Variants in EXT1 observed in about 807,000 individuals in gnomAD.
The protein encoded by EXT1 is exostosin-1.
In EXT1, 20 loss-of-function variants were observed where a neutral mutation model predicts 82.5. That is an observed-to-expected ratio of 0.24 (90% confidence interval 0.17 to 0.35). The LOEUF is 0.35. Among genes scored for constraint, EXT1 ranks in the 10% least tolerant of loss-of-function variants. The pLI is 1.00. For missense variants in EXT1, 757 were observed against 936.5 expected (o/e 0.81, Z 2.50); for synonymous variants, 348 against 350.8 (o/e 0.99, Z 0.09).
chr8:118,053,654 G>A (rs139883786), intron 1 of EXT1, among the ~76,000 whole-genome samples: 33 of 152,238 alleles, frequency 2.2e-4, no homozygotes, highest in African/African-American at 6.7e-4. Context: ...GCAAATAATC[G>A]GTGGCCTCAG....
At chr8:117,888,545 G>A (rs1219962601) in intron 1 of EXT1, among the ~76,000 whole-genome samples, 1 of 152,132 alleles carries the variant, frequency 6.6e-6, no homozygotes, top group African/African-American at 2.4e-5. Flanking sequence ...TTAGTTAAGT[G>A]TTCTATAAAT....
chr8:117,861,027 C>T (rs955476662), intron 1 of EXT1, among the ~76,000 whole-genome samples: 18 of 152,190 alleles, frequency 1.2e-4, no homozygotes, highest in African/African-American at 4.1e-4. Flanking sequence ...TATCCAAACT[C>T]GACACAGGAC....
intron 1 of EXT1, among the ~76,000 whole-genome samples, chr8:117,991,752 G>C (rs1802831055): frequency 6.6e-6 from 1 of 152,036 alleles, no homozygotes; most frequent in Non-Finnish European, 1.5e-5. Flanking sequence ...AGTGGACACA[G>C]CGTTTCACCA....
chr8:118,110,262 T>A lies in EXT1; in HGVS notation c.785A>T (p.Tyr262Phe), dbSNP rs1817871036. Residue 262 changes from tyrosine (Y) to phenylalanine (F), a missense_variant, in exon 1 of 11, where the codon TAC becomes TTC. Physicochemically the swap from Tyr to Phe is conservative, Grantham distance 22. Transcript: ENST00000378204. Reference protein sequence around the residue: ...KFNTIPPLRKYMLVFKGKRYL... With the variant: ...KFNTIPPLRKFMLVFKGKRYL... ...CCTCTTCCCCTTGAATACCAGCATG[T>A]ACTTCCTGAGAGGAGGGATGGTGTT... 1 of 1,614,048 alleles carries A rather than the reference T, an allele frequency of 6.2e-7. No individual in the cohort carries two copies. Among genetic ancestry groups the A allele is most frequent in the African/African-American group, 1.3e-5 (1 of 74,922 alleles).
chr8:117,867,648 AGACTGT>A (rs768067696), intron 1 of EXT1, among the ~76,000 whole-genome samples: 10 of 151,960 alleles, frequency 6.6e-5, no homozygotes, highest in Non-Finnish European at 1.3e-4. Context: ...ATCTACAAAG[AGACTGT>A]GACTCCTTCA....
chr8:118,096,653 A>AG (rs1817620456), intron 1 of EXT1, among the ~76,000 whole-genome samples: 1 of 104,594 alleles, frequency 9.6e-6, no homozygotes, highest in South Asian at 5.1e-4. Context: ...GAAGGAAGGA[A>AG]GGAAGGAAGG....
chr8:117,821,247 T>C (rs1030114222), intron 5 of EXT1, among the ~76,000 whole-genome samples: 2 of 152,178 alleles, frequency 1.3e-5, no homozygotes, highest in African/African-American at 4.8e-5. Context: ...TAATTGTATG[T>C]TAGAAAGAAG....
At chr8:117,829,182 T>C (rs1326244566) in intron 4 of EXT1, among the ~76,000 whole-genome samples, 2 of 152,140 alleles carry the variant, frequency 1.3e-5, no homozygotes, top group East Asian at 1.9e-4. Context: ...GCGTGTGCAG[T>C]TTCCTGAATC....
At position 117,795,947 on chromosome 8, in the gene EXT1, A is replaced by G. The variant is rs535973226; in HGVS notation, c.*3765T>C. On this transcript the variant is annotated 3_prime_UTR_variant, in exon 11 of 11. Coordinates refer to ENST00000378204, the MANE Select transcript of EXT1 (RefSeq NM_000127.3). ...TCAAAACAACTTTGTCCCTGTAAGC[A>G]TGCCTGAGAAAATGAGGCTGATAGT... is the stretch of plus-strand genomic sequence containing the variant. 6.6e-6 allele frequency: 1 copy of G among 151,310 alleles called. No homozygotes were observed. The highest frequency in any genetic ancestry group is 2.4e-5 in the African/African-American group (1 of 41,436). 9.4% of individuals were successfully genotyped at this position (151,310 alleles called of 1,614,324 possible). A position where few individuals can be genotyped will look rare whatever the true frequency, so the allele number is the denominator to read the frequency against.
chr8:117,875,049 A>G (rs902074255), intron 1 of EXT1, among the ~76,000 whole-genome samples: 1 of 152,220 alleles, frequency 6.6e-6, no homozygotes, highest in Non-Finnish European at 1.5e-5. Flanking sequence ...AACAGTGGCA[A>G]TAGAAATATT....
rs1487726776 is a variant in EXT1 at position 117,879,892 on chromosome 8, G to A, written c.963-42691C>T. ...TCAAAATCCATACACCATATAAGGT[G>A]TGCTTTGGATGAGTCTTTCAACTTT... On this transcript the variant is annotated intron_variant, in intron 1 of 10. Coordinates refer to ENST00000378204, the MANE Select transcript of EXT1 (RefSeq NM_000127.3). Among the ~76,000 whole-genome samples, 3 of 152,300 alleles carry A rather than the reference G, an allele frequency of 2.0e-5. No individual in the cohort carries two copies. The East Asian group carries it at 5.8e-4, about 29-fold the overall frequency.
At chr8:117,867,226 T>A (rs1334101191) in intron 1 of EXT1, among the ~76,000 whole-genome samples, 1 of 130,634 alleles carries the variant, frequency 7.7e-6, no homozygotes, top group Non-Finnish European at 1.6e-5. Flanking sequence ...ACCACTGTAC[T>A]CCAGCCTGGG....
At chr8:117,947,529 T>G (rs1340530931) in intron 1 of EXT1, among the ~76,000 whole-genome samples, 1 of 152,170 alleles carries the variant, frequency 6.6e-6, no homozygotes, top group Admixed American at 6.5e-5. Flanking sequence ...GATGACACTT[T>G]CACCACAATC....
chr8:118,107,744 C>T (rs918072912), intron 1 of EXT1, among the ~76,000 whole-genome samples: 1 of 152,122 alleles, frequency 6.6e-6, no homozygotes, highest in Non-Finnish European at 1.5e-5. Flanking sequence ...TTGTAAGCAC[C>T]ATTTCTCAAA....
At chr8:118,016,283 C>T (rs1333806032) in intron 1 of EXT1, among the ~76,000 whole-genome samples, 3 of 152,140 alleles carry the variant, frequency 2.0e-5, no homozygotes, top group Non-Finnish European at 4.4e-5. Context: ...ATCCCAGCTA[C>T]TTGGGTGGGA....
chr8:118,081,941 G>C (rs1817340191), intron 1 of EXT1, among the ~76,000 whole-genome samples: 1 of 152,160 alleles, frequency 6.6e-6, no homozygotes, highest in Non-Finnish European at 1.5e-5. Flanking sequence ...GTTTTAGCCA[G>C]ATATAAGGTA....
rs574493899 is a variant in EXT1 at position 117,959,547 on chromosome 8, G to A, written c.963-122346C>T. 4.6e-5 allele frequency among the ~76,000 whole-genome samples: 7 copies of A among 152,124 alleles called. No individual in the cohort carries two copies. In the East Asian group the frequency reaches 1.3e-3, roughly 29 times the overall value. On this transcript the variant is annotated intron_variant, in intron 1 of 10. Coordinates refer to ENST00000378204, the MANE Select transcript of EXT1 (RefSeq NM_000127.3). ...CTGTCATCATGATCACCTGCTTGAG[G>A]CAGATGCTGGATAAGCACTTCGCAT...
intron 1 of EXT1, among the ~76,000 whole-genome samples, chr8:118,084,323 C>A (rs1434733498): frequency 6.6e-6 from 1 of 152,190 alleles, no homozygotes; most frequent in East Asian, 1.9e-4. Context: ...CTGGGATCAA[C>A]TGCAAGTCGT....
chr8:117,836,173 G>A (rs539870724), intron 2 of EXT1, among the ~76,000 whole-genome samples: 5 of 152,230 alleles, frequency 3.3e-5, no homozygotes, highest in African/African-American at 9.6e-5. Flanking sequence ...AGAAACACTA[G>A]GTTAATGACA....
Sources: gnomAD v4.1 joint callset for allele counts (sites outside exome capture counted in the v4.1 genomes callset) on GRCh38, gnomAD v4.1.1 for gene constraint, MANE v1.5 for transcripts, NCBI Gene and HGNC (gene_info 2026-07-23, HGNC 2026-07-21) for gene names.